Variants in NAA11 observed in about 807,000 individuals in gnomAD.
NAA11 encodes the protein N-alpha-acetyltransferase 11.
NAA11 carries 15 observed loss-of-function variants against 16.1 expected under a neutral mutation model. That is an observed-to-expected ratio of 0.93 (90% CI 0.62 to 1.44). NAA11 has a LOEUF of 1.44. Ranked by LOEUF, NAA11 falls within the 40% of genes most tolerant of loss-of-function variation. NAA11 has a pLI of 0.00. For missense variants in NAA11, 298 were observed against 291.3 expected, an observed-to-expected ratio of 1.02 and a Z score of -0.17; for synonymous variants, 122 against 112.4, an observed-to-expected ratio of 1.09 and a Z score of -0.54.
At position 79,317,220 on chromosome 4, in the gene NAA11, G is replaced by A. The variant is rs1560474174; in HGVS notation, c.*584C>T. ...CTTAACACCTTTTCCCACTGGGAAGGTGATGCCCTCCTCCTCAAAAAAAAG... is the reference window on the plus strand; with the variant it reads ...CTTAACACCTTTTCCCACTGGGAAGATGATGCCCTCCTCCTCAAAAAAAAG... On this transcript the variant is annotated 3_prime_UTR_variant, in exon 2 of 2. Transcript: ENST00000286794. 1 of 152,072 alleles carries A rather than the reference G, an allele frequency of 6.6e-6. No homozygotes were observed. Among genetic ancestry groups the A allele is most frequent in the African/African-American group, 2.4e-5 (1 of 41,394 alleles). 9.4% of individuals were successfully genotyped at this position (152,072 alleles called of 1,614,324 possible).
intron 2 of NAA11, among the ~76,000 whole-genome samples, chr4:79,246,442 C>G (rs918014373): frequency 6.7e-6 from 1 of 149,084 alleles, no homozygotes; most frequent in Non-Finnish European, 1.5e-5. Context: ...TAGAAATACT[C>G]CAAATATTAA....
intron 2 of NAA11, among the ~76,000 whole-genome samples, chr4:79,279,567 T>C (rs1465050865): frequency 1.3e-5 from 2 of 152,076 alleles, no homozygotes; most frequent in East Asian, 1.9e-4. Flanking sequence ...GAAGGTGATA[T>C]TGGGGATATC....
intron 2 of NAA11, among the ~76,000 whole-genome samples, chr4:79,281,676 A>C (rs762047080): frequency 2.0e-5 from 3 of 152,136 alleles, no homozygotes; most frequent in Non-Finnish European, 4.4e-5. Context: ...GACAGTACTC[A>C]AGGAAGGCCT....
the NAA11 span, among the ~76,000 whole-genome samples, chr4:79,214,618 T>C: frequency 7.9e-5 from 12 of 151,974 alleles, no homozygotes; most frequent in Non-Finnish European, 1.2e-4. Context: ...GCTAACACAG[T>C]GAAACCCTGT....
At chr4:79,250,424 A>C (rs1393047394) in intron 2 of NAA11, among the ~76,000 whole-genome samples, 1 of 152,232 alleles carries the variant, frequency 6.6e-6, no homozygotes, top group Non-Finnish European at 1.5e-5. Flanking sequence ...ATTGAGTTCC[A>C]CAGGAACTCG....
chr4:79,212,352 T>G, the NAA11 span, among the ~76,000 whole-genome samples: 2 of 152,190 alleles, frequency 1.3e-5, no homozygotes, highest in Non-Finnish European at 2.9e-5. Flanking sequence ...AGGTCTGTTT[T>G]GATACTTTTA....
chr4:79,256,058 C>A (rs1003325305), intron 2 of NAA11, among the ~76,000 whole-genome samples: 1 of 152,106 alleles, frequency 6.6e-6, no homozygotes, highest in African/African-American at 2.4e-5. Flanking sequence ...TCAAGTTGGT[C>A]TGGTGTCTGA....
chr4:79,233,487 G>T (rs1246352648), intron 2 of NAA11, among the ~76,000 whole-genome samples: 3 of 151,884 alleles, frequency 2.0e-5, no homozygotes, highest in African/African-American at 7.2e-5. Flanking sequence ...TATGTAAGGG[G>T]TTAGAAAATT....
chr4:79,312,646 C>CAAAAAAAA (rs544315352), downstream of NAA11, among the ~76,000 whole-genome samples: 2 of 69,444 alleles, frequency 2.9e-5, no homozygotes, highest in African/African-American at 1.2e-4. Context: ...GACTCCATCT[C>CAAAAAAAA]AAAAAAAAAA....
the NAA11 span, among the ~76,000 whole-genome samples, chr4:79,165,793 T>G: frequency 6.6e-6 from 1 of 152,212 alleles, no homozygotes; most frequent in African/African-American, 2.4e-5. Flanking sequence ...GGAAACAGCT[T>G]AGATTGACTT....
chr4:79,296,038 T>G (rs1723212552), intron 1 of NAA11, among the ~76,000 whole-genome samples: 1 of 152,220 alleles, frequency 6.6e-6, no homozygotes, highest in African/African-American at 2.4e-5. Context: ...CCCTTTTCTT[T>G]TATTTTGCTA....
At chr4:79,228,246 C>T (rs1440335434) in intron 2 of NAA11, among the ~76,000 whole-genome samples, 4 of 151,994 alleles carry the variant, frequency 2.6e-5, no homozygotes, top group Non-Finnish European at 5.9e-5. Context: ...TAATTTTTGA[C>T]AGGATTTTCC....
downstream of NAA11, among the ~76,000 whole-genome samples, chr4:79,224,450 C>T (rs1203869106): frequency 6.6e-6 from 1 of 151,986 alleles, no homozygotes; most frequent in African/African-American, 2.4e-5. Flanking sequence ...ATGATTGAAC[C>T]AAGGCAAACA....
intron 2 of NAA11, among the ~76,000 whole-genome samples, chr4:79,246,471 A>G (rs1040831234): frequency 6.6e-6 from 1 of 152,156 alleles, no homozygotes; most frequent in African/African-American, 2.4e-5. Flanking sequence ...ATCCTTTAAA[A>G]TGCAATTAAG....
At chr4:79,179,874 C>A in the NAA11 span, among the ~76,000 whole-genome samples, 1 of 152,086 alleles carries the variant, frequency 6.6e-6, no homozygotes, top group South Asian at 2.1e-4. Context: ...GCTGGAGAGG[C>A]CTCAGGAAAC....
At chr4:79,196,726 T>C in the NAA11 span, among the ~76,000 whole-genome samples, 3 of 151,238 alleles carry the variant, frequency 2.0e-5, no homozygotes, top group Admixed American at 6.6e-5. Flanking sequence ...GAGATTAAGG[T>C]TGTAGATGAT....
intron 2 of NAA11, among the ~76,000 whole-genome samples, chr4:79,235,001 G>A (rs1360646443): frequency 6.6e-6 from 1 of 152,030 alleles, no homozygotes; most frequent in Non-Finnish European, 1.5e-5. Context: ...TTCTTAATTA[G>A]TTAATAAAGA....
At position 79,325,364 on chromosome 4, in the gene NAA11, G is replaced by A. The variant is rs751040781; in HGVS notation, c.514C>T (p.Leu172=). ...GTCTCCTGGTTCTCCCTGGAGCCCA[G>A]GACCACATACCCGCCCTTCTTCAGG... The part of the protein sequence containing the change: ...MDLKKGGYVV[L]GSRENQETQG... Residue 172 remains leucine (L), a synonymous_variant, in exon 1 of 2, where the codon CTG becomes TTG. Transcript: ENST00000286794. 9 of 1,614,020 alleles carry A rather than the reference G, an allele frequency of 5.6e-6. No individual in the cohort carries two copies. The highest frequency in any genetic ancestry group is 1.3e-5 in the African/African-American group (1 of 75,042).
the NAA11 span, among the ~76,000 whole-genome samples, chr4:79,174,503 G>C: frequency 1.3e-5 from 2 of 152,050 alleles, no homozygotes; most frequent in Non-Finnish European, 1.5e-5. Context: ...CCCTGCTGTG[G>C]CTCCTTTTTC....
Sources: allele counts gnomAD v4.1 joint callset (sites outside exome capture counted in the v4.1 genomes callset), GRCh38; gene constraint gnomAD v4.1.1; transcripts MANE v1.5; gene names NCBI Gene and HGNC (gene_info 2026-07-23, HGNC 2026-07-21).